The following CORIN variants were observed in gnomAD, a reference collection of about 807,000 sequenced individuals.
The protein encoded by CORIN is corin, serine peptidase.
In CORIN, 117 loss-of-function variants were observed where a neutral mutation model predicts 125.3. That is an observed-to-expected ratio of 0.93 (90% CI 0.80 to 1.09). The LOEUF is 1.09. Ranked by LOEUF, CORIN falls within the 50% of genes least tolerant of loss-of-function variation. The probability of loss-of-function intolerance (pLI) is 0.00; values close to 1 mark genes in which losing one functional copy is unlikely to be tolerated. For missense variants in CORIN, 1,253 were observed against 1,306.7 expected (o/e 0.96, Z 0.63); for synonymous variants, 450 against 466.4 (o/e 0.96, Z 0.45).
intron 4 of CORIN, among the ~76,000 whole-genome samples, chr4:47,747,441 G>A (rs1271948623): frequency 1.3e-5 from 2 of 152,068 alleles, no homozygotes; most frequent in Admixed American, 6.5e-5. Flanking sequence ...ACAACACTCT[G>A]GAGCCCAACT....
chr4:47,596,943 C>T (rs957054527), intron 21 of CORIN, among the ~76,000 whole-genome samples: 3 of 152,240 alleles, frequency 2.0e-5, no homozygotes, highest in Non-Finnish European at 4.4e-5. Flanking sequence ...GGTTAAATAA[C>T]TTATTCATTG....
chr4:47,665,271 A>G lies in CORIN; in HGVS notation c.1358-8T>C, dbSNP rs770686733. 7.6e-6 allele frequency: 12 copies of G among 1,570,510 alleles called. No homozygotes were observed. The highest frequency in any genetic ancestry group is 7.9e-6 in the Non-Finnish European group (9 of 1,144,618). The stretch of plus-strand genomic sequence containing the variant: ...TAATTGGTTCACATTGACCTAACAA[A>G]GAAACATACACACAAATATTTTTAA... On this transcript the variant is annotated splice_polypyrimidine_tract_variant and splice_region_variant and intron_variant, in intron 10 of 21. Transcript: ENST00000273857.
chr4:47,610,590 G>A (rs1364797823), intron 19 of CORIN, among the ~76,000 whole-genome samples: 1 of 151,934 alleles, frequency 6.6e-6, no homozygotes, highest in Non-Finnish European at 1.5e-5. Context: ...TGCAGAAACT[G>A]TTTAATTAGA....
At chr4:47,657,529 C>T (rs28825731) in intron 12 of CORIN, among the ~76,000 whole-genome samples, 19,150 of 133,394 alleles carry the variant, frequency 0.14, 1,748 homozygotes, top group East Asian at 0.47. Context: ...AGCGAAACTC[C>T]GTCTCCAAAA....
intron 1 of CORIN, among the ~76,000 whole-genome samples, chr4:47,829,716 T>C (rs1732894611): frequency 2.0e-5 from 3 of 152,140 alleles, no homozygotes; most frequent in Admixed American, 6.6e-5. Context: ...TCAGGAAAGA[T>C]ACCATGCATC....
chr4:47,646,065 A>AAAAAAAT (rs1723467741), intron 13 of CORIN, among the ~76,000 whole-genome samples: 1 of 142,822 alleles, frequency 7.0e-6, no homozygotes, highest in Non-Finnish European at 1.5e-5. Flanking sequence ...AAAAAAAAAA[A>AAAAAAAT]GTGACATAGG....
intron 5 of CORIN, among the ~76,000 whole-genome samples, chr4:47,693,407 T>C (rs1725858195): frequency 6.6e-6 from 1 of 152,218 alleles, no homozygotes; most frequent in Non-Finnish European, 1.5e-5. Context: ...GAATACCCAA[T>C]GGGTGTATCT....
At chr4:47,734,337 C>T (rs886785539) in intron 5 of CORIN, among the ~76,000 whole-genome samples, 1 of 152,194 alleles carries the variant, frequency 6.6e-6, no homozygotes, top group African/African-American at 2.4e-5. Flanking sequence ...CTTTTAGTCA[C>T]CATTCATTTC....
intron 2 of CORIN, among the ~76,000 whole-genome samples, chr4:47,798,609 T>G (rs1731396631): frequency 6.6e-6 from 1 of 152,214 alleles, no homozygotes; most frequent in East Asian, 1.9e-4. Flanking sequence ...GAATATTTAT[T>G]TGGACAGATA....
chr4:47,818,086 T>C (rs1732350557), intron 1 of CORIN, among the ~76,000 whole-genome samples: 1 of 152,244 alleles, frequency 6.6e-6, no homozygotes, highest in East Asian at 1.9e-4. Context: ...TTCAAAGGCC[T>C]GTGCATTAAA....
intron 3 of CORIN, among the ~76,000 whole-genome samples, chr4:47,766,803 G>A (rs535351779): frequency 2.2e-4 from 33 of 151,482 alleles, no homozygotes; most frequent in East Asian, 5.8e-4. Flanking sequence ...AAAATTAGCC[G>A]GGTGTGATGG....
intron 19 of CORIN, among the ~76,000 whole-genome samples, chr4:47,605,893 G>T (rs1169614952): frequency 6.6e-6 from 1 of 152,106 alleles, no homozygotes; most frequent in African/African-American, 2.4e-5. Context: ...GAGTTAGGAA[G>T]GAGGAGCCAA....
intron 19 of CORIN, among the ~76,000 whole-genome samples, chr4:47,617,884 A>G (rs1722129755): frequency 6.6e-6 from 1 of 150,638 alleles, no homozygotes; most frequent in African/African-American, 2.4e-5. Context: ...AAGAACAAAG[A>G]TTTTGTTCTT....
intron 5 of CORIN, among the ~76,000 whole-genome samples, chr4:47,718,875 G>A (rs1193422758): frequency 6.6e-6 from 1 of 152,098 alleles, no homozygotes; most frequent in African/African-American, 2.4e-5. Context: ...AACTCCTATG[G>A]GTCCCAAGGG....
chr4:47,744,434 C>T lies in CORIN; in HGVS notation c.767G>A (p.Cys256Tyr). The T allele has an allele frequency of 7.4e-6, 12 of 1,613,954 alleles. No individual in the cohort carries two copies. The highest frequency in any genetic ancestry group is 1.0e-5 in the Non-Finnish European group (12 of 1,179,946). The change falls in exon 5 of 22, where the codon TGC (cysteine) becomes TAC (tyrosine). Residue 256 changes from cysteine to tyrosine, a missense_variant. Cys to Tyr is a radical substitution (Grantham distance 194). Coordinates refer to ENST00000273857, the MANE Select transcript of CORIN (RefSeq NM_006587.4). ...QTESSNVSRI[C>Y]FSPQQENGKQ... ...TCCGTTTTCCTGCTGAGGTGAGAAGCAAATTCTGCTGACATTGCTGCTTTC... is the reference window on the plus strand; with the variant it reads ...TCCGTTTTCCTGCTGAGGTGAGAAGTAAATTCTGCTGACATTGCTGCTTTC...
At chr4:47,718,209 T>A (rs1727189608) in intron 5 of CORIN, among the ~76,000 whole-genome samples, 1 of 152,202 alleles carries the variant, frequency 6.6e-6, no homozygotes, top group Non-Finnish European at 1.5e-5. Context: ...TTAGCCTACT[T>A]ATTCTGTTGC....
At position 47,661,856 on chromosome 4, in the gene CORIN, C is replaced by A; in HGVS notation, c.1590G>T (p.Arg530Ser). The part of the protein sequence containing the change: ...VNTGEHIPPC[R>S]ALCEHSKERC... ...GTTCTTTAGAGTGTTCACACAATGC[C>A]CTAGATGAACAAGAAAGACAAAACA... The change falls in exon 12 of 22, where the codon AGG (arginine) becomes AGT (serine). Residue 530 changes from arginine (R) to serine (S), a missense_variant and splice_region_variant. Transcript: ENST00000273857. 6.3e-7 allele frequency: 1 copy of A among 1,585,560 alleles called. No individual in the cohort carries two copies. Among genetic ancestry groups the A allele is most frequent in the Non-Finnish European group, 8.6e-7 (1 of 1,163,772 alleles).
intron 6 of CORIN, among the ~76,000 whole-genome samples, chr4:47,684,809 A>G (rs1457378369): frequency 6.6e-6 from 1 of 152,202 alleles, no homozygotes; most frequent in Non-Finnish European, 1.5e-5. Flanking sequence ...TTCAATTATA[A>G]ATGGTCAAAA....
At chr4:47,810,034 G>A (rs1019583005) in intron 1 of CORIN, among the ~76,000 whole-genome samples, 2 of 152,206 alleles carry the variant, frequency 1.3e-5, no homozygotes, top group African/African-American at 4.8e-5. Flanking sequence ...AAACTAAGCT[G>A]AGCACAGGCA....
Sources: gnomAD v4.1 joint callset for allele counts (sites outside exome capture counted in the v4.1 genomes callset) on GRCh38, gnomAD v4.1.1 for gene constraint, MANE v1.5 for transcripts, NCBI Gene and HGNC (gene_info 2026-07-23, HGNC 2026-07-21) for gene names.